NRG3: variants seen among roughly 807,000 people sequenced by gnomAD.
NRG3 encodes the protein pro-neuregulin-3, membrane-bound isoform.
In NRG3, 31 loss-of-function variants were observed where a neutral mutation model predicts 66.9. That is an observed-to-expected ratio of 0.46 (90% CI 0.35 to 0.63). NRG3 has a LOEUF of 0.63. Ranked by LOEUF, NRG3 falls within the 20% of genes least tolerant of loss-of-function variation. The pLI, the probability that NRG3 is intolerant of heterozygous loss-of-function variation, is 0.00. For synonymous variants in NRG3, 393 were observed against 359.4 expected (o/e 1.09, Z -1.06); for missense variants, 910 against 878.9 (o/e 1.04, Z -0.45).
At chr10:81,895,402 C>T (rs539547761) in intron 1 of NRG3, among the ~76,000 whole-genome samples, 1 of 152,254 alleles carries the variant, frequency 6.6e-6, no homozygotes, top group South Asian at 2.1e-4. Context: ...GATCCCAATA[C>T]TCTCAGCAGT....
intron 1 of NRG3, among the ~76,000 whole-genome samples, chr10:81,994,046 T>A (rs1230756910): frequency 6.6e-6 from 1 of 152,200 alleles, no homozygotes; most frequent in African/African-American, 2.4e-5. Context: ...GTACGAAAAA[T>A]GTAATTGCTG....
At chr10:82,372,131 G>T (rs1385261280) in intron 2 of NRG3, among the ~76,000 whole-genome samples, 1 of 152,186 alleles carries the variant, frequency 6.6e-6, no homozygotes, top group African/African-American at 2.4e-5. Context: ...AAAGATAAGA[G>T]CCTTTTTATT....
chr10:82,739,205 A>C (rs2058299284), intron 3 of NRG3, among the ~76,000 whole-genome samples: 1 of 152,228 alleles, frequency 6.6e-6, no homozygotes, highest in Non-Finnish European at 1.5e-5. Context: ...CATTCATGGA[A>C]GAAGACAATT....
intron 2 of NRG3, among the ~76,000 whole-genome samples, chr10:82,548,288 A>T (rs758705115): frequency 4.6e-5 from 7 of 152,136 alleles, no homozygotes; most frequent in Non-Finnish European, 1.0e-4. Flanking sequence ...ATAAATTTCT[A>T]GCCACAACAA....
chr10:82,380,445 G>A (rs1352956504), intron 2 of NRG3, among the ~76,000 whole-genome samples: 1 of 152,058 alleles, frequency 6.6e-6, no homozygotes, highest in Non-Finnish European at 1.5e-5. Flanking sequence ...AAAGATAAAG[G>A]CAGTGAGTAT....
At chr10:82,650,723 A>G (rs550719947) in intron 2 of NRG3, among the ~76,000 whole-genome samples, 1 of 152,358 alleles carries the variant, frequency 6.6e-6, no homozygotes, top group East Asian at 1.9e-4. Flanking sequence ...TTTTCTTGGT[A>G]ATCCAAAAGA....
chr10:82,488,616 A>G (rs758963169), intron 2 of NRG3, among the ~76,000 whole-genome samples: 27 of 152,260 alleles, frequency 1.8e-4, no homozygotes, highest in Non-Finnish European at 2.9e-4. Context: ...TGTTCCATGG[A>G]AGCAGAGATG....
intron 3 of NRG3, among the ~76,000 whole-genome samples, chr10:82,822,981 C>T (rs1008287526): frequency 7.2e-5 from 11 of 152,164 alleles, no homozygotes; most frequent in African/African-American, 1.9e-4. Context: ...GATAACAATT[C>T]GAATGCCTAG....
chr10:82,707,018 AATATAT>A (rs10682579), intron 2 of NRG3, among the ~76,000 whole-genome samples: 41 of 141,316 alleles, frequency 2.9e-4, no homozygotes, highest in African/African-American at 1.1e-3. Flanking sequence ...AAATAAAATA[AATATAT>A]ATATATATAT....
At chr10:82,911,222 T>C (rs1274973172) in intron 4 of NRG3, among the ~76,000 whole-genome samples, 1 of 152,168 alleles carries the variant, frequency 6.6e-6, no homozygotes, top group Non-Finnish European at 1.5e-5. Flanking sequence ...TGGGATATGG[T>C]TAAGTGGTTT....
chr10:82,437,719 TG>T (rs2136400033), intron 2 of NRG3, among the ~76,000 whole-genome samples: 1 of 152,282 alleles, frequency 6.6e-6, no homozygotes, highest in African/African-American at 2.4e-5. Context: ...ATGGGGTTTT[TG>T]TGGGGGCTTT....
intron 3 of NRG3, among the ~76,000 whole-genome samples, chr10:82,741,761 G>T (rs975126350): frequency 6.6e-6 from 1 of 152,056 alleles, no homozygotes; most frequent in South Asian, 2.1e-4. Flanking sequence ...GCTCCCAACT[G>T]AAGGGCGCTT....
rs903483595 is a variant in NRG3 at position 82,808,636 on chromosome 10, T to G, written c.1028-56775T>G. 2.2e-4 allele frequency among the ~76,000 whole-genome samples: 34 copies of G among 152,368 alleles called. No homozygotes were observed. The Middle Eastern group carries it at 0.01, about 46-fold the overall frequency. The stretch of plus-strand genomic sequence containing the variant: ...TTAGAAATACTTCATTAGCTTTTTC[T>G]GCAATGACAAAACTTTTACCTATTT... On this transcript the variant is annotated intron_variant, in intron 3 of 8. Transcript: ENST00000372141.
intron 2 of NRG3, among the ~76,000 whole-genome samples, chr10:82,669,114 T>C (rs886823467): frequency 2.0e-5 from 3 of 152,130 alleles, no homozygotes; most frequent in Non-Finnish European, 4.4e-5. Context: ...CAGAGATGTG[T>C]ATTGTTTGAT....
intron 4 of NRG3, among the ~76,000 whole-genome samples, chr10:82,876,216 C>T (rs1217965408): frequency 6.6e-6 from 1 of 151,772 alleles, no homozygotes; most frequent in Non-Finnish European, 1.5e-5. Flanking sequence ...TAATATTTTC[C>T]GTAAAGTTGT....
intron 1 of NRG3, among the ~76,000 whole-genome samples, chr10:82,004,960 G>A (rs1447292323): frequency 2.0e-5 from 3 of 152,226 alleles, no homozygotes; most frequent in African/African-American, 4.8e-5. Context: ...TCTTACGGCA[G>A]CCCTAGCAAA....
At chr10:82,665,056 A>G (rs1389483296) in intron 2 of NRG3, among the ~76,000 whole-genome samples, 4 of 152,110 alleles carry the variant, frequency 2.6e-5, no homozygotes, top group Admixed American at 6.6e-5. Context: ...ATCATGATAC[A>G]TGGAATTCAG....
intron 1 of NRG3, among the ~76,000 whole-genome samples, chr10:82,074,251 T>G (rs2064968382): frequency 6.6e-6 from 1 of 152,022 alleles, no homozygotes; most frequent in South Asian, 2.1e-4. Context: ...ATCCTTGCTG[T>G]GCTCAGGGAT....
intron 1 of NRG3, among the ~76,000 whole-genome samples, chr10:82,243,340 T>C (rs892608651): frequency 1.3e-5 from 2 of 152,052 alleles, no homozygotes; most frequent in Admixed American, 6.6e-5. Context: ...ATATTTCTAA[T>C]AGCAGAAAAT....
Sources: allele counts gnomAD v4.1 joint callset (sites outside exome capture counted in the v4.1 genomes callset), GRCh38; gene constraint gnomAD v4.1.1; transcripts MANE v1.5; gene names NCBI Gene and HGNC (gene_info 2026-07-23, HGNC 2026-07-21).